The following MKLN1 variants were observed in gnomAD, a reference collection of about 807,000 sequenced individuals.
The protein encoded by MKLN1 is muskelin 1, also known as muskelin.
A neutral mutation model predicts 99.0 loss-of-function variants in MKLN1; 18 were observed. That is an observed-to-expected ratio of 0.18 (90% confidence interval 0.13 to 0.27). The LOEUF (loss-of-function observed/expected upper bound fraction) is 0.27. Ranked by LOEUF, MKLN1 falls within the 10% of genes least tolerant of loss-of-function variation. MKLN1 has a pLI of 1.00. For missense variants in MKLN1, 621 were observed against 875.9 expected (o/e 0.71, Z 3.67); for synonymous variants, 288 against 293.2 (o/e 0.98, Z 0.18).
intron 3 of MKLN1, among the ~76,000 whole-genome samples, chr7:131,296,406 A>G (rs1798292295): frequency 1.3e-5 from 2 of 152,336 alleles, no homozygotes; most frequent in South Asian, 2.1e-4. Flanking sequence ...AATGGAGTCT[A>G]TTTTATATAT....
intron 9 of MKLN1, among the ~76,000 whole-genome samples, chr7:131,429,454 C>G (rs1176927096): frequency 6.6e-6 from 1 of 152,118 alleles, no homozygotes; most frequent in African/African-American, 2.4e-5. Context: ...GCTTATGTCT[C>G]CACTACCTCT....
At chr7:131,241,398 GAA>G (rs67546678) in intron 3 of MKLN1, among the ~76,000 whole-genome samples, 35,954 of 141,708 alleles carry the variant, frequency 0.25, 4,908 homozygotes, top group African/African-American at 0.38. Flanking sequence ...AAAGAAAAAA[GAA>G]AAAAAAAAAA....
At chr7:131,380,879 A>G (rs1584675740) in intron 2 of MKLN1, among the ~76,000 whole-genome samples, 1 of 152,204 alleles carries the variant, frequency 6.6e-6, no homozygotes, top group Non-Finnish European at 1.5e-5. Context: ...GATTCTGGTT[A>G]TTCACAGTAG....
At chr7:131,262,713 G>C (rs113017284) in intron 3 of MKLN1, among the ~76,000 whole-genome samples, 9,538 of 151,746 alleles carry the variant, frequency 0.063, 368 homozygotes, top group Middle Eastern at 0.11. Context: ...ACCACACCTA[G>C]CTAATTTTTG....
Position 131,487,700 on chromosome 7 carries a change from G to T in MKLN1, c.2180G>T (p.Gly727Val), listed in dbSNP as rs2116712611. The T allele has an allele frequency of 6.2e-7, 1 of 1,613,004 alleles. No individual in the cohort carries two copies. Among genetic ancestry groups the T allele is most frequent in the East Asian group, 2.2e-5 (1 of 44,864 alleles). ...CCTGACAGCATGACTCCTCCTAAAG[G>T]CAACCTGGTAGACCTCATCACACTG... Reference protein sequence around the residue: ...FFPDSMTPPKGNLVDLITL With the variant: ...FFPDSMTPPKVNLVDLITL Residue 727 changes from glycine (G) to valine (V), a missense_variant, in exon 18 of 18, where the codon GGC becomes GTC. Physicochemically the swap from Gly to Val is moderately radical, Grantham distance 109 (BLOSUM62 -3). This residue lies in a region of MKLN1 where 126 missense variants were observed against 157.4 expected (regional missense o/e 0.80). Transcript: ENST00000352689. The surrounding 1 kb of genome is among the most constrained non-coding windows in gnomAD (Gnocchi z 4.7).
chr7:131,222,860 C>CAAAAA (rs375317109), intron 3 of MKLN1, among the ~76,000 whole-genome samples: 9 of 88,592 alleles, frequency 1.0e-4, no homozygotes, highest in African/African-American at 1.5e-4. Flanking sequence ...GCTAAAAATA[C>CAAAAA]AAAAAAAAAA....
At chr7:131,308,081 G>C (rs981754114) in intron 3 of MKLN1, among the ~76,000 whole-genome samples, 4 of 152,110 alleles carry the variant, frequency 2.6e-5, no homozygotes, top group Non-Finnish European at 4.4e-5. Flanking sequence ...CATGAGATCT[G>C]ATGGTTTAAG....
At chr7:131,290,406 G>A (rs1798199869) in intron 3 of MKLN1, among the ~76,000 whole-genome samples, 1 of 152,022 alleles carries the variant, frequency 6.6e-6, no homozygotes, top group Non-Finnish European at 1.5e-5. Flanking sequence ...ATGTAAATTT[G>A]CAAATTTGTT....
chr7:131,425,016 AGT>A (rs1269169934), intron 8 of MKLN1, among the ~76,000 whole-genome samples: 2 of 152,230 alleles, frequency 1.3e-5, no homozygotes, highest in Non-Finnish European at 2.9e-5. Flanking sequence ...TAAATCAAAC[AGT>A]GTATTTATTC....
intron 11 of MKLN1, 26 bp downstream of exon 11, chr7:131,443,728 A>G (rs1795912154): frequency 3.4e-6 from 5 of 1,492,062 alleles, no homozygotes; most frequent in East Asian, 4.5e-5. Flanking sequence ...ACATTGCGTA[A>G]ATGTTATTTT....
chr7:131,178,394 C>T (rs1028498752), intron 2 of MKLN1, among the ~76,000 whole-genome samples: 2 of 149,902 alleles, frequency 1.3e-5, no homozygotes, highest in Non-Finnish European at 3.0e-5. Context: ...GCCTCGGCCT[C>T]CCAAAGTGCT....
intron 2 of MKLN1, among the ~76,000 whole-genome samples, chr7:131,169,168 C>T (rs1191545539): frequency 1.3e-5 from 2 of 152,146 alleles, no homozygotes; most frequent in African/African-American, 4.8e-5. Flanking sequence ...CCCGGCCAGC[C>T]ACCGTGTCTG....
chr7:131,302,478 C>G (rs1275222099), intron 3 of MKLN1, among the ~76,000 whole-genome samples: 1 of 152,216 alleles, frequency 6.6e-6, no homozygotes, highest in Non-Finnish European at 1.5e-5. Context: ...GCCAATTTCA[C>G]TCTTCCCAAA....
chr7:131,399,785 C>T (rs1198859229), intron 6 of MKLN1, among the ~76,000 whole-genome samples: 3 of 151,976 alleles, frequency 2.0e-5, no homozygotes, highest in African/African-American at 7.2e-5. Flanking sequence ...AGAAGGGGGG[C>T]TAGATAATAA....
upstream of MKLN1, chr7:131,327,868 C>T (rs528373503): frequency 1.4e-5 from 23 of 1,605,792 alleles, no homozygotes; most frequent in East Asian, 2.7e-4. Flanking sequence ...TCGCTGCCAG[C>T]GGTCGGTGGC....
chr7:131,121,499 G>T (rs1372647771), intron 1 of MKLN1, among the ~76,000 whole-genome samples: 1 of 151,986 alleles, frequency 6.6e-6, no homozygotes, highest in African/African-American at 2.4e-5. Flanking sequence ...TTAGCTGGGT[G>T]TGGTGGCGGG....
Position 131,462,557 on chromosome 7 carries a change from A to G in MKLN1, c.1526-660A>G, listed in dbSNP as rs746298987. Among the ~76,000 whole-genome samples the G allele has an allele frequency of 2.6e-5, 4 of 152,166 alleles. No homozygotes were observed. In the East Asian group the frequency reaches 5.8e-4, roughly 22 times the overall value. On this transcript the variant is annotated intron_variant, in intron 12 of 17. Transcript: ENST00000352689. ...CCTTATGTAAAAATGATTATATTGC[A>G]TACCTCTTTCTGCTTCTTTTTTCCC...
chr7:131,187,543 G>A (rs887354325), intron 2 of MKLN1, among the ~76,000 whole-genome samples: 3 of 152,170 alleles, frequency 2.0e-5, no homozygotes, highest in Admixed American at 1.3e-4. Flanking sequence ...GGCTGCTTTA[G>A]TGCTATAACA....
chr7:131,324,460 G>A (rs1015570298), upstream of MKLN1: 1 of 152,218 alleles, frequency 6.6e-6, no homozygotes, highest in Non-Finnish European at 1.5e-5. Context: ...ATTAATATAA[G>A]TTGGGAGTTT....
Sources: gnomAD v4.1 joint callset for allele counts (sites outside exome capture counted in the v4.1 genomes callset) on GRCh38, gnomAD v4.1.1 for gene constraint, gnomAD v4.1.1 regional missense constraint, Gnocchi (gnomAD v3.1) non-coding constraint, MANE v1.5 for transcripts, NCBI Gene and HGNC (gene_info 2026-07-23, HGNC 2026-07-21) for gene names.